SUMF1: variants seen among roughly 807,000 people sequenced by gnomAD.
SUMF1 encodes formylglycine-generating enzyme.
Under a neutral mutation model 47.6 loss-of-function variants are expected in SUMF1, and 48 were observed. The ratio of observed to expected loss-of-function variants is 1.01; its 90% confidence interval spans 0.80 to 1.28. The LOEUF (loss-of-function observed/expected upper bound fraction) is 1.28, where lower values mean the gene tolerates loss of function less well. Among genes scored for constraint, SUMF1 ranks in the 50% most tolerant of loss-of-function variants. The pLI is 0.00. For synonymous variants in SUMF1, 230 were observed against 192.1 expected (o/e 1.20, Z -1.63); for missense variants, 571 against 485.4 (o/e 1.18, Z -1.66).
intron 3 of SUMF1, among the ~76,000 whole-genome samples, chr3:4,438,270 A>G (rs922728028): frequency 2.0e-5 from 3 of 152,128 alleles, no homozygotes; most frequent in African/African-American, 7.2e-5. Context: ...TAGATTAAAA[A>G]GAAAGATGCA....
At chr3:4,460,249 TTGTC>T (rs368037741) in intron 1 of SUMF1, among the ~76,000 whole-genome samples, 8 of 152,172 alleles carry the variant, frequency 5.3e-5, no homozygotes, top group African/African-American at 1.7e-4. Flanking sequence ...CATGCAGTGG[TTGTC>T]TGAGGGGAAA....
chr3:4,384,408 C>A lies in SUMF1; in HGVS notation c.955-8019G>T, dbSNP rs1175673231. ...ACCAGGATGTTGACACTGACACAGT[C>A]AAGACACAGAACATTTCCATCACAA... On this transcript the variant is annotated intron_variant, in intron 7 of 8. Transcript: ENST00000272902. 2.0e-5 allele frequency among the ~76,000 whole-genome samples: 3 copies of A among 152,174 alleles called. No homozygotes were observed. In the East Asian group the frequency reaches 5.8e-4, roughly 29 times the overall value.
chr3:4,069,481 T>C (rs1267602354), intron 8 of SUMF1, among the ~76,000 whole-genome samples: 2 of 152,212 alleles, frequency 1.3e-5, no homozygotes, highest in Non-Finnish European at 2.9e-5. Flanking sequence ...AGAATGTTCA[T>C]GAGCAGAGGA....
intron 8 of SUMF1, among the ~76,000 whole-genome samples, chr3:4,254,022 G>A (rs1361207670): frequency 2.0e-5 from 3 of 150,986 alleles, no homozygotes; most frequent in Non-Finnish European, 4.4e-5. Flanking sequence ...ACACACAGCA[G>A]GGTATTCCAA....
intron 8 of SUMF1, among the ~76,000 whole-genome samples, chr3:4,245,217 T>G (rs1267443509): frequency 6.6e-6 from 1 of 152,126 alleles, no homozygotes; most frequent in Non-Finnish European, 1.5e-5. Context: ...TTGTTATTAC[T>G]GACTTTCTGA....
intron 8 of SUMF1, among the ~76,000 whole-genome samples, chr3:4,340,339 G>C (rs1047071939): frequency 2.6e-5 from 4 of 152,152 alleles, no homozygotes; most frequent in Admixed American, 6.5e-5. Context: ...CTTACCACTT[G>C]CTGCTTGGTG....
chr3:4,394,570 T>C (rs562331346), intron 7 of SUMF1, among the ~76,000 whole-genome samples: 1 of 152,330 alleles, frequency 6.6e-6, no homozygotes, highest in East Asian at 1.9e-4. Flanking sequence ...CCCAGCTTTG[T>C]AATGTGTCAC....
intron 8 of SUMF1, among the ~76,000 whole-genome samples, chr3:4,116,066 T>C (rs1693417603): frequency 6.6e-6 from 1 of 152,174 alleles, no homozygotes; most frequent in Admixed American, 6.5e-5. Flanking sequence ...AAACCCATTA[T>C]ATGATTATGT....
At chr3:4,091,096 CA>C (rs796472100) in intron 8 of SUMF1, among the ~76,000 whole-genome samples, 6,242 of 136,968 alleles carry the variant, frequency 0.046, 215 homozygotes, top group African/African-American at 0.1. Context: ...ACAACAACAA[CA>C]AAAAAAAAAA....
rs372409167 is a variant in SUMF1 at position 4,143,624 on chromosome 3, A to G, written c.1015-74879T>C. On this transcript the variant is annotated intron_variant and NMD_transcript_variant, in intron 8 of 12. Transcript: ENST00000448413. ...CTAAAAACCCATTTTCTGTGTATGT[A>G]GACTAGTTGAATCTTGGATTTGAGA... Among the ~76,000 whole-genome samples the G allele has an allele frequency of 2.6e-5, 4 of 152,280 alleles. No homozygotes were observed. In the South Asian group the frequency reaches 8.3e-4, roughly 32 times the overall value.
intron 3 of SUMF1, among the ~76,000 whole-genome samples, chr3:4,427,058 A>C (rs1308962335): frequency 1.3e-5 from 2 of 152,210 alleles, no homozygotes; most frequent in Non-Finnish European, 2.9e-5. Context: ...AAAGAAAAGG[A>C]AACAAGACAG....
At chr3:4,321,622 CAA>C (rs1215864073) in intron 8 of SUMF1, among the ~76,000 whole-genome samples, 1 of 151,428 alleles carries the variant, frequency 6.6e-6, no homozygotes, top group African/African-American at 2.4e-5. Context: ...GATTATAAAA[CAA>C]AATATAAAAA....
intron 8 of SUMF1, among the ~76,000 whole-genome samples, chr3:4,315,355 A>G (rs1418148058): frequency 1.3e-5 from 2 of 152,222 alleles, no homozygotes; most frequent in South Asian, 2.1e-4. Flanking sequence ...GATTCTGCAG[A>G]TACCCTTTTC....
chr3:4,398,663 G>A (rs886308213), intron 7 of SUMF1, among the ~76,000 whole-genome samples: 1 of 152,102 alleles, frequency 6.6e-6, no homozygotes. Flanking sequence ...GGAAATAAGA[G>A]GTTAGGAAGG....
At chr3:4,182,145 A>T (rs979914780) in intron 8 of SUMF1, among the ~76,000 whole-genome samples, 1 of 152,152 alleles carries the variant, frequency 6.6e-6, no homozygotes, top group African/African-American at 2.4e-5. Context: ...TCAGAGCTTT[A>T]TAAGTTTTAC....
At chr3:4,264,426 A>C (rs932251613) in intron 8 of SUMF1, among the ~76,000 whole-genome samples, 1 of 152,106 alleles carries the variant, frequency 6.6e-6, no homozygotes, top group Non-Finnish European at 1.5e-5. Flanking sequence ...GTATCACCAC[A>C]CTGACAAACA....
chr3:4,335,960 C>CAAAAAAAAAAAAAAAAAAAAAAAAAAAA (rs770091674), intron 8 of SUMF1, among the ~76,000 whole-genome samples: 2 of 73,900 alleles, frequency 2.7e-5, no homozygotes, highest in African/African-American at 1.4e-4. Flanking sequence ...GATTCCAACT[C>CAAAAAAAAAAAAAAAAAAAAAAAAAAAA]AAAAAAAAAA....
At chr3:4,080,020 A>G (rs1692525740) in intron 8 of SUMF1, among the ~76,000 whole-genome samples, 1 of 151,906 alleles carries the variant, frequency 6.6e-6, no homozygotes, top group Admixed American at 6.6e-5. Context: ...TGTATAATAA[A>G]TGAGTCAGAA....
chr3:4,338,734 TAG>T (rs955650928), intron 8 of SUMF1, among the ~76,000 whole-genome samples: 2 of 152,058 alleles, frequency 1.3e-5, no homozygotes, highest in Non-Finnish European at 2.9e-5. Flanking sequence ...ATCTAGTACG[TAG>T]AGTCTCATAT....
Sources: allele counts gnomAD v4.1 joint callset (sites outside exome capture counted in the v4.1 genomes callset), GRCh38; gene constraint gnomAD v4.1.1; transcripts MANE v1.5; gene names NCBI Gene and HGNC (gene_info 2026-07-23, HGNC 2026-07-21).